The following VTA1 variants were observed in gnomAD, a reference collection of about 807,000 sequenced individuals.
VTA1 encodes the protein vesicle trafficking 1, also known as vacuolar protein sorting-associated protein VTA1 homolog.
In VTA1, 24 loss-of-function variants were observed where a neutral mutation model predicts 36.9. The ratio of observed to expected loss-of-function variants is 0.65; its 90% CI spans 0.47 to 0.91. The LOEUF is 0.91. VTA1 is among the 40% of genes least tolerant of loss of function. VTA1 has a pLI of 0.00. For missense variants in VTA1, 393 were observed against 377.2 expected (o/e 1.04, Z -0.35); for synonymous variants, 142 against 130.2 (o/e 1.09, Z -0.62).
Position 142,175,689 on chromosome 6 carries a change from T to G in VTA1, c.411+5268T>G, listed in dbSNP as rs73574210. On this transcript the variant is annotated intron_variant, in intron 4 of 7. Transcript: ENST00000367630. ...GATGGAAAAATGCCTTACACTTGTTTATATATAACTTATTTTATTTCATAA... is the reference window on the plus strand; with the variant it reads ...GATGGAAAAATGCCTTACACTTGTTGATATATAACTTATTTTATTTCATAA... Among the ~76,000 whole-genome samples the G allele has an allele frequency of 8.5e-3, 1,297 of 152,170 alleles. 19 individuals are homozygous for G. Among genetic ancestry groups the G allele is most frequent in the African/African-American group, 0.03 (1,228 of 41,540 alleles).
chr6:142,170,011 A>C (rs1232118917), intron 3 of VTA1, among the ~76,000 whole-genome samples: 1 of 152,152 alleles, frequency 6.6e-6, no homozygotes, highest in Non-Finnish European at 1.5e-5. Context: ...ACCCCAATCA[A>C]TTCAAATGAT....
Position 142,166,209 on chromosome 6 carries a change from A to G in VTA1, c.113-19A>G. The stretch of plus-strand genomic sequence containing the variant: ...GTTTAAAAATGAAATTGTTCAAATT[A>G]TCTTACTTTTCTTTCTAGGTCGTTT... On this transcript the variant is annotated intron_variant, in intron 1 of 7. Coordinates refer to ENST00000367630, the MANE Select transcript of VTA1 (RefSeq NM_016485.5). 1.3e-6 allele frequency: 2 copies of G among 1,550,802 alleles called. No homozygotes were observed. Among genetic ancestry groups the G allele is most frequent in the Non-Finnish European group, 1.8e-6 (2 of 1,132,494 alleles).
chr6:142,190,445 T>TA (rs542521266), intron 5 of VTA1, among the ~76,000 whole-genome samples: 1 of 152,214 alleles, frequency 6.6e-6, no homozygotes, highest in South Asian at 2.1e-4. Context: ...TGTTTTTTTT[T>TA]AACTTAATAT....
intron 3 of VTA1, 59 bp from the exon 4 acceptor site, chr6:142,170,287 C>T: frequency 7.6e-7 from 1 of 1,321,038 alleles, no homozygotes; most frequent in South Asian, 1.3e-5. Flanking sequence ...AGCTAAATGA[C>T]AAAACTACAT....
At position 142,147,312 on chromosome 6, in the gene VTA1, C is replaced by A. The variant is rs2232299; in HGVS notation, c.25C>A (p.Pro9Thr). The A allele has an allele frequency of 6.2e-7, 1 of 1,614,086 alleles. No individual in the cohort carries two copies. The highest frequency in any genetic ancestry group is 1.3e-5 in the African/African-American group (1 of 74,940). Reference protein sequence around the residue: MAALAPLPPLPAQFKSIQH... With the variant: MAALAPLPTLPAQFKSIQH... ...GATGGCCGCGCTTGCACCGCTGCCC[C>A]CGCTCCCCGCACAGTTCAAGAGCAT... The change falls in exon 1 of 8, where the codon CCG (proline) becomes ACG (threonine). Residue 9 changes from proline to threonine, a missense_variant. By Grantham distance (38) the Pro-to-Thr change is conservative (BLOSUM62 -1). Coordinates refer to ENST00000367630, the MANE Select transcript of VTA1 (RefSeq NM_016485.5).
chr6:142,171,048 ATGT>A (rs1253051983), intron 4 of VTA1, among the ~76,000 whole-genome samples: 1 of 152,098 alleles, frequency 6.6e-6, no homozygotes, highest in Non-Finnish European at 1.5e-5. Context: ...CTAATCCTGT[ATGT>A]TGTTAAGTTT....
rs1179738018 is a variant in VTA1, at chr6:142,220,441, T to C, written c.*1798T>C. 6.6e-6 allele frequency: 1 copy of C among 152,168 alleles called. No homozygotes were observed. Among genetic ancestry groups the C allele is most frequent in the Non-Finnish European group, 1.5e-5 (1 of 68,050 alleles). The allele number at this position is 152,168 out of a possible 1,614,324, so 9.4% of individuals were successfully genotyped here. On this transcript the variant is annotated 3_prime_UTR_variant, in exon 8 of 8. Transcript: ENST00000367630. ...TAGAAACTACGGAGTCCGCTGGTAG[T>C]GGGCTGCATGGTGTGACAGAGCCCT...
At chr6:142,149,034 G>A (rs572930902) in intron 1 of VTA1, among the ~76,000 whole-genome samples, 7 of 152,262 alleles carry the variant, frequency 4.6e-5, no homozygotes, top group African/African-American at 1.2e-4. Context: ...ACTCACTGTC[G>A]TCCTTTCCCT....
At chr6:142,176,328 G>T (rs946712692) in intron 4 of VTA1, among the ~76,000 whole-genome samples, 10 of 152,146 alleles carry the variant, frequency 6.6e-5, no homozygotes, top group African/African-American at 2.2e-4. Flanking sequence ...GGAATGAGAT[G>T]AATATGTTTT....
intron 7 of VTA1, among the ~76,000 whole-genome samples, chr6:142,211,896 T>C (rs1775912833): frequency 6.6e-6 from 1 of 151,962 alleles, no homozygotes; most frequent in African/African-American, 2.4e-5. Flanking sequence ...GATATACAAA[T>C]GGAAAGCAGA....
At chr6:142,187,860 C>T (rs1157036192) in intron 4 of VTA1, among the ~76,000 whole-genome samples, 5 of 150,778 alleles carry the variant, frequency 3.3e-5, no homozygotes, top group African/African-American at 1.2e-4. Context: ...CCACCTGCTG[C>T]ATTTGTACTT....
rs1422318033 is a variant in VTA1, at chr6:142,198,579, C to T, written c.661C>T (p.Pro221Ser). ...GIQIPPGAHA[P>S]ANTPAEVPHS... is the part of the protein sequence containing the mutation. ...ACAGATTCCTCCGGGTGCACACGCT[C>T]CAGCTAATACACCAGCAGAAGTGCC... Residue 221 changes from proline to serine, a missense_variant, in exon 6 of 8, where the codon CCA becomes TCA. Coordinates refer to ENST00000367630, the MANE Select transcript of VTA1 (RefSeq NM_016485.5). 2 of 1,613,030 alleles carry T rather than the reference C, an allele frequency of 1.2e-6. No individual in the cohort carries two copies. The highest frequency in any genetic ancestry group is 1.7e-5 in the Admixed American group (1 of 59,956).
intron 7 of VTA1, among the ~76,000 whole-genome samples, chr6:142,210,424 A>G (rs1775881502): frequency 6.6e-6 from 1 of 152,250 alleles, no homozygotes; most frequent in Admixed American, 6.5e-5. Context: ...AAAAATGGCC[A>G]AATGGGATTA....
At chr6:142,160,413 A>C (rs1245690592) in intron 1 of VTA1, among the ~76,000 whole-genome samples, 1 of 152,156 alleles carries the variant, frequency 6.6e-6, no homozygotes, top group African/African-American at 2.4e-5. Flanking sequence ...CCTGCACACC[A>C]TATGTTAGTA....
chr6:142,151,802 GGCAGGCAGATCACC>G (rs1256150167), intron 1 of VTA1, among the ~76,000 whole-genome samples: 9 of 152,234 alleles, frequency 5.9e-5, no homozygotes, highest in African/African-American at 2.2e-4. Flanking sequence ...GGGAGGCTGA[GGCAGGCAGATCACC>G]CGAGGTCAGG....
intron 6 of VTA1, 115 bp from the exon 7 acceptor site, chr6:142,203,870 G>A: frequency 1.3e-6 from 1 of 794,788 alleles, no homozygotes; most frequent in Admixed American, 2.3e-5. Flanking sequence ...ATCCATTGAT[G>A]TTTCTAGAAA....
At chr6:142,198,115 ATATATGTGTGTGTGTGTGTGTGTG>A (rs1426379750) in intron 5 of VTA1, among the ~76,000 whole-genome samples, 18 of 76,548 alleles carry the variant, frequency 2.4e-4, no homozygotes, top group African/African-American at 7.3e-4. Context: ...ATATATATAT[ATATATGTGTGTGTGTGTGTGTGTG>A]TGTGTGTGTG....
At chr6:142,208,415 A>G (rs956655209) in intron 7 of VTA1, among the ~76,000 whole-genome samples, 1 of 152,118 alleles carries the variant, frequency 6.6e-6, no homozygotes, top group African/African-American at 2.4e-5. Context: ...AGAGAATGAA[A>G]AGGACTGGCT....
At chr6:142,204,112 G>A in intron 7 of VTA1, 47 bp downstream of exon 7, 2 of 1,565,692 alleles carry the variant, frequency 1.3e-6, no homozygotes, top group Non-Finnish European at 1.8e-6. Flanking sequence ...TCCTGTTTTG[G>A]GTTGCTGTTT....
Sources: allele counts gnomAD v4.1 joint callset (sites outside exome capture counted in the v4.1 genomes callset), GRCh38; gene constraint gnomAD v4.1.1; transcripts MANE v1.5; gene names NCBI Gene and HGNC (gene_info 2026-07-23, HGNC 2026-07-21).